The following DCC variants were observed in gnomAD, a reference collection of about 807,000 sequenced individuals.
DCC encodes the protein DCC netrin 1 receptor, also known as netrin receptor DCC.
DCC carries 58 observed loss-of-function variants against 172.5 expected under a neutral mutation model. That is an observed-to-expected ratio of 0.34 (90% confidence interval 0.27 to 0.42). DCC has a LOEUF of 0.42. Among genes scored for constraint, DCC ranks in the 10% least tolerant of loss-of-function variants. DCC has a pLI of 1.00. For missense variants in DCC, 1,740 were observed against 1,791.0 expected (o/e 0.97, Z 0.51); for synonymous variants, 709 against 644.5 (o/e 1.10, Z -1.52).
At chr18:52,987,354 C>T (rs2041312716) in intron 5 of DCC, among the ~76,000 whole-genome samples, 1 of 152,050 alleles carries the variant, frequency 6.6e-6, no homozygotes. Context: ...GACAAAATGC[C>T]AAAATGCAAA....
chr18:52,612,819 TA>T (rs777391401), intron 1 of DCC, among the ~76,000 whole-genome samples: 18 of 152,248 alleles, frequency 1.2e-4, no homozygotes, highest in Non-Finnish European at 2.2e-4. Flanking sequence ...TTGCCTTATG[TA>T]ATCTCTTGCA....
intron 2 of DCC, among the ~76,000 whole-genome samples, chr18:52,820,101 G>C (rs1046593315): frequency 6.6e-6 from 1 of 152,090 alleles, no homozygotes; most frequent in African/African-American, 2.4e-5. Context: ...GACACATTTG[G>C]TTTCATTCAC....
chr18:53,276,053 C>G (rs974811587), intron 12 of DCC, among the ~76,000 whole-genome samples: 4 of 151,974 alleles, frequency 2.6e-5, no homozygotes, highest in African/African-American at 7.2e-5. Flanking sequence ...AAATGGCAAG[C>G]CTGGCATTTA....
chr18:52,503,250 A>C (rs1160301409), intron 1 of DCC, among the ~76,000 whole-genome samples: 2 of 152,158 alleles, frequency 1.3e-5, no homozygotes, highest in Non-Finnish European at 2.9e-5. Flanking sequence ...TCACTGTTAA[A>C]CTAGGACACT....
intron 27 of DCC, among the ~76,000 whole-genome samples, chr18:53,521,233 A>G (rs1178754092): frequency 6.6e-6 from 1 of 152,098 alleles, no homozygotes; most frequent in African/African-American, 2.4e-5. Context: ...TTTGTTCAAC[A>G]CTCACTACAT....
At chr18:52,921,058 A>T (rs1026107581) in intron 3 of DCC, among the ~76,000 whole-genome samples, 17 of 152,232 alleles carry the variant, frequency 1.1e-4, no homozygotes, top group African/African-American at 3.9e-4. Context: ...AAGCTCAGGG[A>T]TTTTTAGGAT....
chr18:53,326,107 CT>C (rs965493992), intron 14 of DCC, among the ~76,000 whole-genome samples: 2 of 152,186 alleles, frequency 1.3e-5, no homozygotes, highest in East Asian at 1.9e-4. Context: ...CAAATATCAA[CT>C]TTTTTCTCAT....
At chr18:52,830,014 G>C (rs1458288918) in intron 2 of DCC, among the ~76,000 whole-genome samples, 1 of 152,090 alleles carries the variant, frequency 6.6e-6, no homozygotes, top group African/African-American at 2.4e-5. Context: ...AAGATTTCTG[G>C]AGGGATGATG....
chr18:52,942,415 T>TAAA (rs1219460910), intron 5 of DCC, among the ~76,000 whole-genome samples: 1 of 152,200 alleles, frequency 6.6e-6, no homozygotes, highest in Non-Finnish European at 1.5e-5. Context: ...AAGACTGTTT[T>TAAA]AGGTGTGTCT....
intron 9 of DCC, among the ~76,000 whole-genome samples, chr18:53,185,294 G>T (rs2055262884): frequency 1.3e-5 from 2 of 151,986 alleles, no homozygotes; most frequent in South Asian, 4.2e-4. Flanking sequence ...ATTACAGGTG[G>T]GCTTGAGATG....
At chr18:52,969,943 T>C (rs886121305) in intron 5 of DCC, among the ~76,000 whole-genome samples, 4 of 152,068 alleles carry the variant, frequency 2.6e-5, no homozygotes, top group African/African-American at 9.7e-5. Context: ...GAAAGCTGTT[T>C]GCAATGTTGT....
At chr18:53,373,617 T>TACTGTC (rs2058081682) in intron 15 of DCC, among the ~76,000 whole-genome samples, 1 of 152,216 alleles carries the variant, frequency 6.6e-6, no homozygotes, top group Admixed American at 6.5e-5. Flanking sequence ...AGTTCAGTTT[T>TACTGTC]ACTGTCATCT....
At chr18:52,892,769 A>T (rs2039669769) in intron 2 of DCC, among the ~76,000 whole-genome samples, 1 of 152,176 alleles carries the variant, frequency 6.6e-6, no homozygotes, top group Non-Finnish European at 1.5e-5. Flanking sequence ...TGAAAATCAC[A>T]CAAGTTACAT....
chr18:52,807,180 C>T (rs551776884), intron 2 of DCC, among the ~76,000 whole-genome samples: 11 of 152,206 alleles, frequency 7.2e-5, no homozygotes, highest in South Asian at 2.1e-4. Context: ...GGTGACAGAG[C>T]GAGACTGTCT....
At chr18:53,236,907 C>A (rs1293492055) in intron 12 of DCC, among the ~76,000 whole-genome samples, 1 of 151,996 alleles carries the variant, frequency 6.6e-6, no homozygotes, top group Non-Finnish European at 1.5e-5. Flanking sequence ...ATTTCTGGAT[C>A]TTATTCTGTT....
chr18:53,166,513 A>T (rs2054924476), intron 8 of DCC, among the ~76,000 whole-genome samples: 1 of 152,158 alleles, frequency 6.6e-6, no homozygotes, highest in South Asian at 2.1e-4. Flanking sequence ...TATCATGTGG[A>T]TAGACGCTGA....
Position 53,415,490 on chromosome 18 carries a change from A to G in DCC, c.3131-634A>G, listed in dbSNP as rs376448735. On this transcript the variant is annotated intron_variant, in intron 20 of 28. Transcript: ENST00000442544. ...TCTTATTTAGTTTCATCTGGTTAGCAGAAAAAAAAAGTCATCTTTAAAACA... is the reference window on the plus strand; with the variant it reads ...TCTTATTTAGTTTCATCTGGTTAGCGGAAAAAAAAAGTCATCTTTAAAACA... Among the ~76,000 whole-genome samples the G allele has an allele frequency of 9.2e-5, 14 of 152,168 alleles. No individual in the cohort carries two copies. In the East Asian group the frequency reaches 1.5e-3, roughly 17 times the overall value.
intron 1 of DCC, among the ~76,000 whole-genome samples, chr18:52,610,406 A>G (rs1399502758): frequency 1.5e-5 from 2 of 130,846 alleles, no homozygotes; most frequent in African/African-American, 5.6e-5. Flanking sequence ...AAAAAAAAAA[A>G]AGAAAAAGAA....
intron 1 of DCC, among the ~76,000 whole-genome samples, chr18:52,473,133 T>G (rs921735): frequency 0.97 from 148,216 of 152,236 alleles, 72,275 homozygotes; most frequent in Middle Eastern, 1. Flanking sequence ...TTTAGAAGCT[T>G]ATTTCTGCCT....
Sources: allele counts gnomAD v4.1 joint callset (sites outside exome capture counted in the v4.1 genomes callset), GRCh38; gene constraint gnomAD v4.1.1; transcripts MANE v1.5; gene names NCBI Gene and HGNC (gene_info 2026-07-23, HGNC 2026-07-21).